Variants in CCDC149 observed in about 807,000 individuals in gnomAD.
CCDC149 encodes coiled-coil domain-containing protein 149.
In CCDC149, 45 loss-of-function variants were observed where a neutral mutation model predicts 59.9. That is an observed-to-expected ratio of 0.75 (90% CI 0.59 to 0.96). CCDC149 has a LOEUF of 0.96. Among genes scored for constraint, CCDC149 ranks in the 40% least tolerant of loss-of-function variants. CCDC149 has a pLI of 0.00. For missense variants in CCDC149, 584 were observed against 664.7 expected (o/e 0.88, Z 1.33); for synonymous variants, 245 against 260.6 (o/e 0.94, Z 0.58).
At chr4:24,931,829 G>GTATATATATGTATATATA (rs60585956) in intron 1 of CCDC149, among the ~76,000 whole-genome samples, 6,625 of 76,778 alleles carry the variant, frequency 0.086, 531 homozygotes, top group Non-Finnish European at 0.12. Context: ...TGGAGAGTAT[G>GTATATATATGTATATATA]TATATATATA....
At chr4:24,869,375 G>C (rs1258218172) in intron 3 of CCDC149, among the ~76,000 whole-genome samples, 1 of 152,184 alleles carries the variant, frequency 6.6e-6, no homozygotes, top group African/African-American at 2.4e-5. Flanking sequence ...TGGGCTCCTG[G>C]GCCCTGCTGT....
At chr4:24,975,802 C>CA (rs1724164950) in intron 1 of CCDC149, among the ~76,000 whole-genome samples, 1 of 130,758 alleles carries the variant, frequency 7.6e-6, no homozygotes, top group South Asian at 2.2e-4. Flanking sequence ...TCTTCTCTGC[C>CA]AATCCCGCAT....
chr4:24,842,168 G>A (rs994484166), intron 4 of CCDC149, among the ~76,000 whole-genome samples: 7 of 152,178 alleles, frequency 4.6e-5, no homozygotes, highest in African/African-American at 1.7e-4. Context: ...CTAACCCTAA[G>A]TAAGAAAAGA....
At chr4:24,832,221 A>C (rs1276714900) in intron 8 of CCDC149, among the ~76,000 whole-genome samples, 1 of 152,244 alleles carries the variant, frequency 6.6e-6, no homozygotes, top group Non-Finnish European at 1.5e-5. Flanking sequence ...TATGTATGGC[A>C]TAACAAAACC....
At chr4:24,904,089 C>T (rs919446400) in intron 1 of CCDC149, among the ~76,000 whole-genome samples, 1 of 152,194 alleles carries the variant, frequency 6.6e-6, no homozygotes, top group African/African-American at 2.4e-5. Context: ...CGTGAGCCAC[C>T]GTGCCTAGCC....
At chr4:24,868,456 T>C (rs918892024) in intron 3 of CCDC149, among the ~76,000 whole-genome samples, 8 of 152,208 alleles carry the variant, frequency 5.3e-5, no homozygotes, top group African/African-American at 1.9e-4. Flanking sequence ...CATTAATAAG[T>C]CAGAATTCCC....
At chr4:24,878,143 TTTG>T (rs1719588529) in intron 1 of CCDC149, among the ~76,000 whole-genome samples, 1 of 151,190 alleles carries the variant, frequency 6.6e-6, no homozygotes, top group African/African-American at 2.4e-5. Context: ...AGGAACTGAC[TTTG>T]TTAAGTTCAA....
intron 1 of CCDC149, among the ~76,000 whole-genome samples, chr4:24,922,418 C>T (rs1039363899): frequency 2.6e-5 from 4 of 152,242 alleles, no homozygotes; most frequent in Non-Finnish European, 4.4e-5. Context: ...TTGGCACTCA[C>T]TCAGTAATAT....
intron 9 of CCDC149, among the ~76,000 whole-genome samples, chr4:24,824,719 C>A (rs900001055): frequency 1.3e-5 from 2 of 152,232 alleles, no homozygotes; most frequent in African/African-American, 4.8e-5. Context: ...TTGACCAAAA[C>A]CATAGGCAAG....
chr4:24,920,555 T>A (rs1443332011), intron 1 of CCDC149, among the ~76,000 whole-genome samples: 2 of 152,124 alleles, frequency 1.3e-5, no homozygotes, highest in Non-Finnish European at 2.9e-5. Context: ...ATCCTATTGG[T>A]CAAAGCATTG....
rs575278864 is a variant in CCDC149, at chr4:24,948,150, G to A, written c.-65+31919C>T. On this transcript the variant is annotated intron_variant, in intron 1 of 12. Coordinates refer to the CCDC149 transcript ENST00000389609. Reference sequence around the variant, plus strand: ...ACCTATCCTGAAAAATCAGAAAGTGGTTGCAAATAGCTGTCCTTAGAGAAG... The same window carrying A: ...ACCTATCCTGAAAAATCAGAAAGTGATTGCAAATAGCTGTCCTTAGAGAAG... 3.9e-5 allele frequency among the ~76,000 whole-genome samples: 6 copies of A among 152,266 alleles called. No individual in the cohort carries two copies. In the East Asian group the frequency reaches 1.2e-3, roughly 29 times the overall value.
At chr4:24,822,079 C>T (rs999305223) in intron 10 of CCDC149, among the ~76,000 whole-genome samples, 5 of 152,072 alleles carry the variant, frequency 3.3e-5, no homozygotes, top group African/African-American at 1.2e-4. Context: ...TTAAATTGCA[C>T]AAATCTTTAT....
intron 1 of CCDC149, among the ~76,000 whole-genome samples, chr4:24,951,307 A>G (rs963538373): frequency 2.0e-5 from 3 of 152,188 alleles, no homozygotes; most frequent in African/African-American, 7.2e-5. Context: ...AAGCTTTTAA[A>G]CTTCAGGGTG....
intron 1 of CCDC149, among the ~76,000 whole-genome samples, chr4:24,974,351 C>T (rs1724085029): frequency 6.6e-6 from 1 of 152,180 alleles, no homozygotes; most frequent in Non-Finnish European, 1.5e-5. Flanking sequence ...CAGAGGAAAC[C>T]CATACTTCTT....
intron 1 of CCDC149, among the ~76,000 whole-genome samples, chr4:24,942,299 A>G (rs1722977457): frequency 6.6e-6 from 1 of 152,246 alleles, no homozygotes; most frequent in East Asian, 1.9e-4. Context: ...CAAAAACCAC[A>G]TGATTATCTC....
intron 1 of CCDC149, among the ~76,000 whole-genome samples, chr4:24,889,026 C>T (rs1720370002): frequency 6.6e-6 from 1 of 151,884 alleles, no homozygotes. Context: ...AGGGGATGTG[C>T]TGAAATTTAA....
At chr4:24,848,046 C>T (rs1717412264) in intron 4 of CCDC149, among the ~76,000 whole-genome samples, 1 of 152,038 alleles carries the variant, frequency 6.6e-6, no homozygotes, top group African/African-American at 2.4e-5. Flanking sequence ...TGGAAAATCC[C>T]AGAAATAAAA....
chr4:24,822,599 T>C, intron 9 of CCDC149, 26 bp from the exon 10 acceptor site: 1 of 1,494,224 alleles, frequency 6.7e-7, no homozygotes, highest in Non-Finnish European at 9.0e-7. Context: ...AAAATGACAA[T>C]CAATTACTGA....
chr4:24,927,452 G>A (rs574394195), intron 1 of CCDC149, among the ~76,000 whole-genome samples: 145 of 152,292 alleles, frequency 9.5e-4, no homozygotes, highest in Non-Finnish European at 1.6e-3. Context: ...AAACAGCTGC[G>A]TTTATTTGCA....
Sources: allele counts gnomAD v4.1 joint callset (sites outside exome capture counted in the v4.1 genomes callset), GRCh38; gene constraint gnomAD v4.1.1; transcripts MANE v1.5; gene names NCBI Gene and HGNC (gene_info 2026-07-23, HGNC 2026-07-21).